Variants in XKR6 observed in about 807,000 individuals in gnomAD.
XKR6 encodes the protein XK related 6, also known as XK-related protein 6.
A neutral mutation model predicts 56.7 loss-of-function variants in XKR6; 22 were observed. The ratio of observed to expected loss-of-function variants is 0.39; its 90% CI spans 0.28 to 0.55. XKR6 has a LOEUF of 0.55. Ranked by LOEUF, XKR6 falls within the 20% of genes least tolerant of loss-of-function variation. The pLI, the probability that XKR6 is intolerant of heterozygous loss-of-function variation, is 0.66. For missense variants in XKR6, 852 were observed against 889.0 expected, an observed-to-expected ratio of 0.96 and a Z score of 0.53; for synonymous variants, 524 against 387.8, an observed-to-expected ratio of 1.35 and a Z score of -4.13.
chr8:11,126,373 G>C (rs553483659), intron 1 of XKR6, among the ~76,000 whole-genome samples: 40 of 152,090 alleles, frequency 2.6e-4, no homozygotes, highest in Admixed American at 1.3e-3. Flanking sequence ...GCCTACTTTG[G>C]CGTTTTTTAA....
intron 1 of XKR6, among the ~76,000 whole-genome samples, chr8:11,127,784 G>T (rs1586584847): frequency 6.6e-6 from 1 of 152,172 alleles, no homozygotes; most frequent in African/African-American, 2.4e-5. Context: ...TATAGGTCTG[G>T]GGATTGGAAT....
intron 1 of XKR6, among the ~76,000 whole-genome samples, chr8:11,071,477 AGTCC>A (rs1800113870): frequency 1.3e-5 from 1 of 75,208 alleles, no homozygotes; most frequent in African/African-American, 9.0e-5. Flanking sequence ...ATGAGCCCCG[AGTCC>A]ATGAGCCCCG....
intron 1 of XKR6, among the ~76,000 whole-genome samples, chr8:11,181,890 T>G (rs764338368): frequency 3.3e-5 from 5 of 152,316 alleles, no homozygotes; most frequent in Non-Finnish European, 7.4e-5. Flanking sequence ...TCTGGCTCTG[T>G]TGCCCAGGTT....
intron 2 of XKR6, 143 bp from the exon 3 acceptor site, chr8:10,899,059 T>C (rs1363172962): frequency 1.5e-6 from 2 of 1,291,928 alleles, no homozygotes; most frequent in African/African-American, 1.5e-5. Flanking sequence ...GGAACCGAAC[T>C]TGGAGGTCAC....
chr8:11,199,889 GTT>G (rs1804106565), intron 1 of XKR6, among the ~76,000 whole-genome samples: 1 of 151,912 alleles, frequency 6.6e-6, no homozygotes, highest in Non-Finnish European at 1.5e-5. Flanking sequence ...GGAGGTGAGA[GTT>G]AACACCAAAC....
rs963891070 is a variant in XKR6, at chr8:11,005,373, T to G, written c.765-80543A>C. Among the ~76,000 whole-genome samples the G allele has an allele frequency of 1.4e-4, 21 of 152,172 alleles. 1 individual carries two copies. The highest frequency in any genetic ancestry group is 4.8e-4 in the African/African-American group (20 of 41,466). ...AGTGACTGTAGTAGATATAGATATATATATATATACATATCTCCAATGGAA... is the reference window on the plus strand; with the variant it reads ...AGTGACTGTAGTAGATATAGATATAGATATATATACATATCTCCAATGGAA... On this transcript the variant is annotated intron_variant, in intron 1 of 2. Coordinates refer to ENST00000416569, the MANE Select transcript of XKR6 (RefSeq NM_173683.4).
rs114057928 is a variant in XKR6 at position 11,114,820 on chromosome 8, T to C, written c.764+85756A>G. Among the ~76,000 whole-genome samples, 574 of 150,278 alleles carry C rather than the reference T, an allele frequency of 3.8e-3. 1 individual carries two copies. The highest frequency in any genetic ancestry group is 0.013 in the African/African-American group (548 of 41,010). ...TCAGTGTAATGCTAAACCGTAACAA[T>C]AGCCTGGCCCTCAGAAATATATTTT... On this transcript the variant is annotated intron_variant, in intron 1 of 2. Coordinates refer to ENST00000416569, the MANE Select transcript of XKR6 (RefSeq NM_173683.4).
intron 1 of XKR6, among the ~76,000 whole-genome samples, chr8:11,198,144 C>G (rs778658039): frequency 6.6e-6 from 1 of 152,166 alleles, no homozygotes; most frequent in African/African-American, 2.4e-5. Context: ...TATGTTCAAA[C>G]ACATTGACAA....
At chr8:10,982,761 G>A (rs1489236315) in intron 1 of XKR6, among the ~76,000 whole-genome samples, 1 of 152,182 alleles carries the variant, frequency 6.6e-6, no homozygotes, top group East Asian at 1.9e-4. Flanking sequence ...ACCTTAACCT[G>A]CTGTGGTTGT....
intron 1 of XKR6, chr8:11,107,865 T>C (rs1392427245): frequency 1.2e-5 from 2 of 169,980 alleles, no homozygotes; most frequent in Non-Finnish European, 2.5e-5. Flanking sequence ...ACCAGTCTAA[T>C]GCATAAAAGA....
intron 1 of XKR6, among the ~76,000 whole-genome samples, chr8:10,939,641 G>A (rs968229398): frequency 4.6e-5 from 7 of 152,228 alleles, no homozygotes; most frequent in South Asian, 2.1e-4. Flanking sequence ...CACGCAGAAG[G>A]GGCCTAAGAC....
intron 1 of XKR6, among the ~76,000 whole-genome samples, chr8:11,142,306 A>G (rs1800744489): frequency 6.6e-6 from 1 of 151,756 alleles, no homozygotes; most frequent in Non-Finnish European, 1.5e-5. Context: ...AACCTGAAAC[A>G]TCTTGACATA....
intron 1 of XKR6, among the ~76,000 whole-genome samples, chr8:11,117,745 CA>C (rs1279543888): frequency 9.2e-5 from 14 of 152,076 alleles, no homozygotes; most frequent in African/African-American, 3.4e-4. Flanking sequence ...CACTTATAAA[CA>C]AACAACATAA....
At position 11,201,601 on chromosome 8, in the gene XKR6, C is replaced by T; in HGVS notation, c.-262G>A. 6.6e-6 allele frequency among the ~76,000 whole-genome samples: 1 copy of T among 152,120 alleles called. No homozygotes were observed. The highest frequency in any genetic ancestry group is 1.5e-5 in the Non-Finnish European group (1 of 67,966). ...CCTCCCGGCCAAGATGGCCGCCCTC[C>T]TGTGCCTCAGCTGCTGGGCGGGGGA... On this transcript the variant is annotated 5_prime_UTR_variant, in exon 1 of 3. Coordinates refer to ENST00000416569, the MANE Select transcript of XKR6 (RefSeq NM_173683.4).
chr8:10,899,419 G>T (rs960503414), intron 2 of XKR6, among the ~76,000 whole-genome samples: 11 of 152,176 alleles, frequency 7.2e-5, no homozygotes, highest in African/African-American at 2.7e-4. Flanking sequence ...TCATGCTTCT[G>T]CCTTTTCCTC....
At chr8:11,009,819 A>G (rs10092587) in intron 1 of XKR6, among the ~76,000 whole-genome samples, 2 of 152,220 alleles carry the variant, frequency 1.3e-5, no homozygotes, top group African/African-American at 2.4e-5. Flanking sequence ...ATATTACTTC[A>G]TTAATCATTG....
intron 1 of XKR6, among the ~76,000 whole-genome samples, chr8:11,043,347 G>T (rs1194185212): frequency 3.3e-5 from 5 of 152,052 alleles, no homozygotes; most frequent in Admixed American, 6.5e-5. Context: ...CTAAGCGGCT[G>T]GATGGCTGCA....
chr8:10,960,951 C>A (rs1222959317), intron 1 of XKR6, among the ~76,000 whole-genome samples: 5 of 152,100 alleles, frequency 3.3e-5, no homozygotes, highest in Non-Finnish European at 5.9e-5. Flanking sequence ...ACAGGGAAGA[C>A]CGGGCTAGAC....
chr8:11,184,367 T>TATA (rs1563202195), intron 1 of XKR6, among the ~76,000 whole-genome samples: 1 of 147,098 alleles, frequency 6.8e-6, no homozygotes, highest in African/African-American at 2.6e-5. Context: ...AATACATATT[T>TATA]TATATATATA....
Sources: gnomAD v4.1 joint callset for allele counts (sites outside exome capture counted in the v4.1 genomes callset) on GRCh38, gnomAD v4.1.1 for gene constraint, MANE v1.5 for transcripts, NCBI Gene and HGNC (gene_info 2026-07-23, HGNC 2026-07-21) for gene names.